JMJD1C: variants seen among roughly 807,000 people sequenced by gnomAD.
JMJD1C encodes the protein jumonji domain-containing protein 1C.
In JMJD1C, 31 loss-of-function variants were observed where a neutral mutation model predicts 245.3. The observed-to-expected ratio is 0.13, with a 90% CI of 0.09 to 0.17. The LOEUF is 0.17. Among genes scored for constraint, JMJD1C ranks in the 10% least tolerant of loss-of-function variants. The pLI, the probability that JMJD1C is intolerant of heterozygous loss-of-function variation, is 1.00. For missense variants in JMJD1C, 2,691 were observed against 3,000.2 expected (o/e 0.90, Z 2.41); for synonymous variants, 1,057 against 1,017.4 (o/e 1.04, Z -0.74).
chr10:63,434,166 AT>A (rs1950934435), intron 1 of JMJD1C, among the ~76,000 whole-genome samples: 1 of 152,198 alleles, frequency 6.6e-6, no homozygotes, highest in Admixed American at 6.5e-5. Context: ...TGTACATTTT[AT>A]TTAAATTTTA....
rs1191909118 is a variant in JMJD1C, at chr10:63,208,558, A to C, written c.3111T>G (p.Thr1037=). The change falls in exon 10 of 26, where the codon ACT becomes ACG. Residue 1037 remains threonine, a synonymous_variant. Coordinates refer to ENST00000399262, the MANE Select transcript of JMJD1C (RefSeq NM_032776.3). ...TCTCACCCTCAAGTCCCTTGATTTT[A>C]GTTGTAAAGGGAGCAACATCAATAC... ...QESIDVAPFT[T]KIKGLEGERE... is the part of the protein sequence containing the mutation. The C allele has an allele frequency of 1.2e-6, 2 of 1,613,932 alleles. No individual in the cohort carries two copies. The highest frequency in any genetic ancestry group is 1.7e-6 in the Non-Finnish European group (2 of 1,179,954).
chr10:63,220,106 C>A, intron 3 of JMJD1C, 123 bp from the exon 4 acceptor site: 1 of 596,032 alleles, frequency 1.7e-6, no homozygotes, highest in South Asian at 3.1e-5. Context: ...TATGCAAAAA[C>A]ACAAATTCAT....
Position 63,214,006 on chromosome 10 carries a change from C to T in JMJD1C, c.2161G>A (p.Gly721Arg), listed in dbSNP as rs780856039. The T allele has an allele frequency of 6.2e-7, 1 of 1,614,136 alleles. No homozygotes were observed. The highest frequency in any genetic ancestry group is 2.2e-5 in the East Asian group (1 of 44,880). Residue 721 changes from glycine to arginine, a missense_variant, in exon 8 of 26, where the codon GGG becomes AGG. Around this residue, in one of 9 missense-constraint regions of JMJD1C, gnomAD observed 1,562 missense variants for 1,490.7 expected, o/e 1.05. Transcript: ENST00000399262. ...FTVYRDPALI[G>R]SETGANHISP... ...ATATGATTAGCTCCTGTTTCTGACC[C>T]AATAAGTGCAGGATCTCTGTAAACT...
intron 1 of JMJD1C, among the ~76,000 whole-genome samples, chr10:63,482,617 T>C (rs1315345597): frequency 6.6e-6 from 1 of 151,734 alleles, no homozygotes; most frequent in Non-Finnish European, 1.5e-5. Flanking sequence ...GCCTGGGTGA[T>C]AGAGCAAGAC....
intron 1 of JMJD1C, among the ~76,000 whole-genome samples, chr10:63,459,657 A>G (rs972794927): frequency 2.0e-5 from 3 of 152,230 alleles, no homozygotes; most frequent in Non-Finnish European, 4.4e-5. Flanking sequence ...AAAAATCAGT[A>G]TGACAAGACT....
intron 3 of JMJD1C, among the ~76,000 whole-genome samples, chr10:63,239,906 T>G (rs143489525): frequency 2.6e-5 from 4 of 152,362 alleles, no homozygotes; most frequent in African/African-American, 7.2e-5. Context: ...CAATGATATC[T>G]ACTCTGAACA....
intron 1 of JMJD1C, among the ~76,000 whole-genome samples, chr10:63,449,117 AAAAAT>A (rs367691693): frequency 1.4e-4 from 21 of 152,088 alleles, no homozygotes; most frequent in East Asian, 1.9e-4. Context: ...ACTCCGTCTC[AAAAAT>A]AAAATAAAAT....
intron 21 of JMJD1C, among the ~76,000 whole-genome samples, chr10:63,184,018 C>G (rs1164481789): frequency 1.4e-5 from 2 of 147,792 alleles, no homozygotes; most frequent in African/African-American, 4.9e-5. Context: ...ACCTCCACCT[C>G]CCGGGTTCAA....
intron 1 of JMJD1C, chr10:63,427,383 C>T: frequency 9.3e-7 from 1 of 1,080,072 alleles, no homozygotes; most frequent in South Asian, 1.3e-5. Context: ...ACCCAAATCC[C>T]TATAGCAAAC....
At chr10:63,226,256 TG>T (rs1263212081) in intron 3 of JMJD1C, among the ~76,000 whole-genome samples, 2 of 152,172 alleles carry the variant, frequency 1.3e-5, no homozygotes, top group Non-Finnish European at 2.9e-5. Flanking sequence ...GGCAAACTCA[TG>T]CAATCTTATA....
chr10:63,258,991 A>C (rs571777539), intron 3 of JMJD1C, among the ~76,000 whole-genome samples: 8 of 152,348 alleles, frequency 5.3e-5, no homozygotes, highest in African/African-American at 1.9e-4. Context: ...TACCAGGTCA[A>C]ATTCTCATTC....
chr10:63,393,543 A>C (rs928953883), intron 1 of JMJD1C, among the ~76,000 whole-genome samples: 1 of 152,188 alleles, frequency 6.6e-6, no homozygotes, highest in Non-Finnish European at 1.5e-5. Context: ...CTGGGTATTT[A>C]TCCAAGGAAA....
At chr10:63,315,469 C>T (rs1939872227) in intron 2 of JMJD1C, among the ~76,000 whole-genome samples, 1 of 152,172 alleles carries the variant, frequency 6.6e-6, no homozygotes, top group Non-Finnish European at 1.5e-5. Context: ...CAGTTCATGT[C>T]TGCTAATGAT....
rs755713638 is a variant in JMJD1C at position 63,206,926 on chromosome 10, T to C, written c.4743A>G (p.Pro1581=). 5 of 1,611,334 alleles carry C rather than the reference T, an allele frequency of 3.1e-6. No homozygotes were observed. The highest frequency in any genetic ancestry group is 1.1e-5 in the South Asian group (1 of 90,792). ...TAGAGGCTATTAAGTTGACAGAACA[T>C]GGCTTAATAATTTCTGATACAGAAT... ...SGNSVSEIIK[P]CSVNLIASTS... is the part of the protein sequence containing the mutation. Residue 1581 remains proline (P), a synonymous_variant, in exon 10 of 26, where the codon CCA becomes CCG. Transcript: ENST00000399262.
chr10:63,219,219 CTT>C (rs1181839880), intron 4 of JMJD1C, among the ~76,000 whole-genome samples: 8 of 152,128 alleles, frequency 5.3e-5, no homozygotes, highest in Non-Finnish European at 8.8e-5. Context: ...GGGATTCTCT[CTT>C]GACACTTAAT....
intron 1 of JMJD1C, among the ~76,000 whole-genome samples, chr10:63,436,124 C>T (rs1005036824): frequency 4.6e-5 from 7 of 152,014 alleles, no homozygotes; most frequent in Admixed American, 6.6e-5. Flanking sequence ...AATCACAGGC[C>T]TTGAGAGATT....
intron 1 of JMJD1C, among the ~76,000 whole-genome samples, chr10:63,416,618 T>G (rs912196423): frequency 1.3e-5 from 2 of 152,184 alleles, no homozygotes; most frequent in Non-Finnish European, 2.9e-5. Context: ...TTCCACTGCA[T>G]GGAACCAATC....
chr10:63,375,755 GCATT>G (rs1397085749), intron 2 of JMJD1C, among the ~76,000 whole-genome samples: 1 of 151,838 alleles, frequency 6.6e-6, no homozygotes, highest in African/African-American at 2.4e-5. Flanking sequence ...GGGGCTCGCT[GCATT>G]GTTCAGCCTG....
At chr10:63,429,349 GA>G (rs573781970) in intron 1 of JMJD1C, among the ~76,000 whole-genome samples, 15 of 146,998 alleles carry the variant, frequency 1.0e-4, no homozygotes, top group Admixed American at 2.0e-4. Context: ...AACGGAAGAA[GA>G]AAAAAAAAAG....
Sources: allele counts gnomAD v4.1 joint callset (sites outside exome capture counted in the v4.1 genomes callset), GRCh38; gene constraint gnomAD v4.1.1; regional missense constraint gnomAD v4.1.1; transcripts MANE v1.5; gene names NCBI Gene and HGNC (gene_info 2026-07-23, HGNC 2026-07-21).